The following ACTR10 variants were observed in gnomAD, a reference collection of about 807,000 sequenced individuals.
ACTR10 encodes actin related protein 10, also known as actin-related protein 10.
In ACTR10, 43 loss-of-function variants were observed where a neutral mutation model predicts 56.2. That is an observed-to-expected ratio of 0.77 (90% CI 0.60 to 0.99). The LOEUF (loss-of-function observed/expected upper bound fraction) is 0.99, where lower values mean the gene tolerates loss of function less well. Among genes scored for constraint, ACTR10 ranks in the 50% least tolerant of loss-of-function variants. The pLI is 0.00. For missense variants in ACTR10, 466 were observed against 507.8 expected (o/e 0.92, Z 0.79); for synonymous variants, 170 against 176.3 (o/e 0.96, Z 0.28).
rs1888899270 is a variant in ACTR10, at chr14:58,207,669, G to A, written c.151-267G>A. 1.3e-5 allele frequency among the ~76,000 whole-genome samples: 2 copies of A among 152,044 alleles called. 1 individual carries two copies. The highest frequency in any genetic ancestry group is 4.8e-5 in the African/African-American group (2 of 41,402). On this transcript the variant is annotated intron_variant, in intron 2 of 12. Coordinates refer to ENST00000254286, the MANE Select transcript of ACTR10 (RefSeq NM_018477.3). ...TTCAAGCCAAAATGATAAGTCAGAT[G>A]GAGGAAAAATGCATGTGAGCCATGC... is the stretch of plus-strand genomic sequence containing the variant.
At chr14:58,217,444 G>A (rs1889158421) in intron 7 of ACTR10, among the ~76,000 whole-genome samples, 1 of 152,038 alleles carries the variant, frequency 6.6e-6, no homozygotes, top group Admixed American at 6.6e-5. Context: ...AAGGTGAGTG[G>A]GTCACTTGAG....
At chr14:58,232,667 G>T (rs1419926774) in intron 12 of ACTR10, among the ~76,000 whole-genome samples, 1 of 151,648 alleles carries the variant, frequency 6.6e-6, no homozygotes, top group Non-Finnish European at 1.5e-5. Flanking sequence ...ACCCACCTTG[G>T]CCTCCCAAAG....
At chr14:58,221,564 C>A (rs1199138628) in intron 8 of ACTR10, among the ~76,000 whole-genome samples, 1 of 151,980 alleles carries the variant, frequency 6.6e-6, no homozygotes, top group Non-Finnish European at 1.5e-5. Flanking sequence ...CAGACCACTG[C>A]ACTCTAGCTT....
intron 12 of ACTR10, among the ~76,000 whole-genome samples, chr14:58,232,872 CTTTTT>C (rs5808964): frequency 7.3e-6 from 1 of 136,336 alleles, no homozygotes; most frequent in African/African-American, 2.7e-5. Flanking sequence ...TTCTTTCTTT[CTTTTT>C]TTTTTTTTTT....
intron 10 of ACTR10, among the ~76,000 whole-genome samples, chr14:58,228,646 G>A (rs1224238977): frequency 8.0e-6 from 1 of 124,760 alleles, no homozygotes; most frequent in Non-Finnish European, 1.6e-5. Context: ...ACATCTCATT[G>A]ACTGGTACTT....
chr14:58,232,617 T>C (rs1414543887), intron 12 of ACTR10, among the ~76,000 whole-genome samples: 1 of 151,774 alleles, frequency 6.6e-6, no homozygotes, highest in Non-Finnish European at 1.5e-5. Context: ...GGTTTCACCA[T>C]GTTGGCCAGG....
chr14:58,221,236 T>G (rs1178323468), intron 8 of ACTR10, among the ~76,000 whole-genome samples: 1 of 142,376 alleles, frequency 7.0e-6, no homozygotes, highest in Admixed American at 7.6e-5. Context: ...TGAGCCAAGA[T>G]CGCGCCACTG....
chr14:58,226,495 G>C (rs1484054297), intron 10 of ACTR10, among the ~76,000 whole-genome samples: 3 of 151,098 alleles, frequency 2.0e-5, no homozygotes, highest in African/African-American at 4.9e-5. Context: ...ATAGGAAAAT[G>C]CTAATGTGAA....
At chr14:58,233,944 A>G (rs954074782) in intron 12 of ACTR10, among the ~76,000 whole-genome samples, 3 of 152,202 alleles carry the variant, frequency 2.0e-5, no homozygotes, top group Non-Finnish European at 2.9e-5. Context: ...TAAGGTCTTC[A>G]GTATAGTATG....
In ACTR10 at chr14:58,208,853, A is replaced by T. The variant is rs570909050; in HGVS notation, c.234-146A>T. The T allele has an allele frequency of 9.0e-6, 5 of 553,684 alleles. No individual in the cohort carries two copies. The Admixed American group carries it at 1.3e-4, about 15-fold the overall frequency. 34.3% of individuals were successfully genotyped at this position (553,684 alleles called of 1,614,324 possible). On this transcript the variant is annotated intron_variant, in intron 3 of 12. Transcript: ENST00000254286. The stretch of plus-strand genomic sequence containing the variant: ...TACATAGTAAGAGGTCAGAAATGTT[A>T]TCTTTCTGGGGTAATAAAATGAAGA...
At chr14:58,218,314 G>A (rs1040317173) in intron 7 of ACTR10, among the ~76,000 whole-genome samples, 21 of 152,082 alleles carry the variant, frequency 1.4e-4, no homozygotes, top group African/African-American at 5.1e-4. Context: ...TTATCCTCTT[G>A]ATTTTAACAC....
rs548561869 is a variant in ACTR10, at chr14:58,204,340, C to T, written c.150+1413C>T. Among the ~76,000 whole-genome samples the T allele has an allele frequency of 7.5e-4, 114 of 151,936 alleles. 1 individual carries two copies. The highest frequency in any genetic ancestry group is 5.6e-3 in the Admixed American group (85 of 15,248). On this transcript the variant is annotated intron_variant, in intron 2 of 12. Transcript: ENST00000254286. ...CGAAGCTTGCAGTGAGCCGAGATTG[C>T]GCCACTGCACTCCAGCCTGGGCGAC...
Position 58,232,407 on chromosome 14 carries a change from T to TTC in ACTR10, c.1072+141_1072+142insCT, listed in dbSNP as rs1329691075. 946 of 170,130 alleles carry TTC rather than the reference T, an allele frequency of 5.6e-3. 7 individuals carry two copies. Among genetic ancestry groups the TTC allele is most frequent in the South Asian group, 0.018 (126 of 7,018 alleles). 10.5% of individuals were successfully genotyped at this position (170,130 alleles called of 1,614,324 possible). ...ATAGAACTAACACTGACTTTTTCTT[T>TTC]TTTTTTTTTTTTTTTTTTTTTTTTG... On this transcript the variant is annotated intron_variant, in intron 12 of 12. Coordinates refer to ENST00000254286, the MANE Select transcript of ACTR10 (RefSeq NM_018477.3).
intron 8 of ACTR10, among the ~76,000 whole-genome samples, chr14:58,222,679 C>T (rs1365737923): frequency 5.4e-5 from 8 of 148,098 alleles, no homozygotes; most frequent in African/African-American, 7.5e-5. Context: ...GTATGAGAAT[C>T]GCATGAACTC....
At chr14:58,218,583 T>TA (rs912543776) in intron 7 of ACTR10, among the ~76,000 whole-genome samples, 3 of 151,882 alleles carry the variant, frequency 2.0e-5, no homozygotes, top group Non-Finnish European at 2.9e-5. Context: ...TGCTTTTTTT[T>TA]AAAAATTATG....
chr14:58,226,441 A>G (rs1326898867), intron 10 of ACTR10, among the ~76,000 whole-genome samples: 3 of 151,864 alleles, frequency 2.0e-5, no homozygotes, highest in Non-Finnish European at 2.9e-5. Flanking sequence ...AAAAAAAAAA[A>G]AAAAAGGAAA....
chr14:58,216,953 T>C (rs898979950), intron 7 of ACTR10, among the ~76,000 whole-genome samples: 3 of 152,230 alleles, frequency 2.0e-5, no homozygotes, highest in African/African-American at 7.2e-5. Context: ...ATTGAATATA[T>C]GTTGGAAAGC....
intron 10 of ACTR10, 23 bp from the exon 11 acceptor site, chr14:58,230,376 C>G (rs780134108): frequency 7.0e-7 from 1 of 1,426,920 alleles, no homozygotes. Flanking sequence ...CAACAGAAAG[C>G]TCTCTTTTTC....
intron 11 of ACTR10, 85 bp from the exon 12 acceptor site, chr14:58,231,981 A>G: frequency 1.3e-6 from 1 of 772,776 alleles, no homozygotes; most frequent in Non-Finnish European, 2.0e-6. Flanking sequence ...TAATAATAGT[A>G]TATTTATGTA....
Sources: gnomAD v4.1 joint callset for allele counts (sites outside exome capture counted in the v4.1 genomes callset) on GRCh38, gnomAD v4.1.1 for gene constraint, MANE v1.5 for transcripts, NCBI Gene and HGNC (gene_info 2026-07-23, HGNC 2026-07-21) for gene names.